Variants in BMAL2 observed in about 807,000 individuals in gnomAD.
The protein encoded by BMAL2 is basic helix-loop-helix ARNT-like protein 2.
the BMAL2 span, among the ~76,000 whole-genome samples, chr12:27,344,072 C>T: frequency 6.6e-6 from 1 of 152,182 alleles, no homozygotes; most frequent in Non-Finnish European, 1.5e-5. Flanking sequence ...TCCCCAGCAA[C>T]TTATGAGGTA....
the BMAL2 span, among the ~76,000 whole-genome samples, chr12:27,357,206 G>A: frequency 2.0e-5 from 3 of 152,084 alleles, no homozygotes; most frequent in Non-Finnish European, 4.4e-5. Flanking sequence ...TTGTGCTGCT[G>A]TAAACATGCA....
At chr12:27,415,719 A>C in the BMAL2 span, 2 of 619,704 alleles carry the variant, frequency 3.2e-6, no homozygotes, top group Non-Finnish European at 2.9e-6. Flanking sequence ...CCTGGCACCT[A>C]GTAAGTCAGT....
chr12:27,342,143 G>T, the BMAL2 span, among the ~76,000 whole-genome samples: 1 of 152,056 alleles, frequency 6.6e-6, no homozygotes, highest in Non-Finnish European at 1.5e-5. Flanking sequence ...TCATCATGAT[G>T]GTCAGGCTGG....
chr12:27,420,756 C>A, the BMAL2 span: 1 of 402,536 alleles, frequency 2.5e-6, no homozygotes, highest in Non-Finnish European at 4.2e-6. Flanking sequence ...AGTGAAATGG[C>A]TTATAATCCA....
chr12:27,351,611 C>T, the BMAL2 span, among the ~76,000 whole-genome samples: 11 of 152,206 alleles, frequency 7.2e-5, no homozygotes, highest in East Asian at 7.7e-4. Flanking sequence ...CAGATCCCTA[C>T]GTAGGGACAG....
the BMAL2 span, among the ~76,000 whole-genome samples, chr12:27,372,670 T>G: frequency 6.6e-6 from 1 of 151,614 alleles, no homozygotes; most frequent in Non-Finnish European, 1.5e-5. Flanking sequence ...TTATTATTAT[T>G]TTTTTTTATT....
the BMAL2 span, among the ~76,000 whole-genome samples, chr12:27,339,413 A>G: frequency 6.6e-6 from 1 of 152,206 alleles, no homozygotes. Context: ...TAGTGCTGCA[A>G]TGAAATATGC....
chr12:27,366,649 C>T, the BMAL2 span, among the ~76,000 whole-genome samples: 1 of 152,180 alleles, frequency 6.6e-6, no homozygotes, highest in African/African-American at 2.4e-5. Flanking sequence ...TAAAATCACA[C>T]TTAGCAATTC....
the BMAL2 span, among the ~76,000 whole-genome samples, chr12:27,378,922 G>A: frequency 6.6e-6 from 1 of 152,146 alleles, no homozygotes; most frequent in South Asian, 2.1e-4. Flanking sequence ...GAAGAGGAAG[G>A]GTCTAAACCA....
chr12:27,379,515 C>G, the BMAL2 span, among the ~76,000 whole-genome samples: 22 of 151,978 alleles, frequency 1.4e-4, no homozygotes, highest in Non-Finnish European at 4.4e-5. Context: ...GGGACTGAAC[C>G]GAGCAGGGAG....
At chr12:27,386,884 G>A in the BMAL2 span, among the ~76,000 whole-genome samples, 2 of 152,122 alleles carry the variant, frequency 1.3e-5, no homozygotes, top group Non-Finnish European at 2.9e-5. Context: ...ACCTGCCTCG[G>A]CCTCCCAAAG....
chr12:27,344,189 G>C, the BMAL2 span, among the ~76,000 whole-genome samples: 2 of 152,172 alleles, frequency 1.3e-5, no homozygotes, highest in Non-Finnish European at 2.9e-5. Context: ...CCCAGGCAGA[G>C]TGGCCTTCAG....
chr12:27,377,000 CAAAAAAAA>C, the BMAL2 span, among the ~76,000 whole-genome samples: 1 of 91,744 alleles, frequency 1.1e-5, no homozygotes, highest in African/African-American at 4.5e-5. Flanking sequence ...AACTCCGTCT[CAAAAAAAA>C]AAAAAAAAAA....
At chr12:27,380,198 G>A in the BMAL2 span, 1 of 1,580,546 alleles carries the variant, frequency 6.3e-7, no homozygotes, top group South Asian at 1.1e-5. Context: ...GGGGGTGACT[G>A]GGGGTCTGCT....
the BMAL2 span, among the ~76,000 whole-genome samples, chr12:27,357,601 T>G: frequency 6.6e-6 from 1 of 152,150 alleles, no homozygotes; most frequent in African/African-American, 2.4e-5. Context: ...GGCATCACAT[T>G]ACCTGACTTC....
chr12:27,341,960 A>G, the BMAL2 span, among the ~76,000 whole-genome samples: 1 of 152,146 alleles, frequency 6.6e-6, no homozygotes, highest in Non-Finnish European at 1.5e-5. Flanking sequence ...TTTTTGAGAC[A>G]GAATCTCACT....
the BMAL2 span, among the ~76,000 whole-genome samples, chr12:27,351,348 A>C: frequency 5.3e-5 from 8 of 152,220 alleles, no homozygotes; most frequent in Non-Finnish European, 8.8e-5. Context: ...AAGGTAAATT[A>C]AGAAAAATAT....
chr12:27,402,449 A>G, the BMAL2 span, among the ~76,000 whole-genome samples: 1 of 152,230 alleles, frequency 6.6e-6, no homozygotes, highest in African/African-American at 2.4e-5. Flanking sequence ...AAACACCATG[A>G]TACTTAGCAC....
chr12:27,373,033 C>T, the BMAL2 span, among the ~76,000 whole-genome samples: 1 of 152,112 alleles, frequency 6.6e-6, no homozygotes, highest in East Asian at 1.9e-4. Flanking sequence ...GTGGTACAGT[C>T]TTACAATTTT....
Sources: gnomAD v4.1 joint callset for allele counts (sites outside exome capture counted in the v4.1 genomes callset) on GRCh38, gnomAD v4.1.1 for gene constraint, MANE v1.5 for transcripts, NCBI Gene and HGNC (gene_info 2026-07-23, HGNC 2026-07-21) for gene names.